Variants in ARID5B observed in about 807,000 individuals in gnomAD.
The protein encoded by ARID5B is AT-rich interaction domain 5B, also known as AT-rich interactive domain-containing protein 5B.
A neutral mutation model predicts 97.2 loss-of-function variants in ARID5B; 13 were observed. The observed-to-expected ratio is 0.13, with a 90% CI of 0.09 to 0.21. The LOEUF (loss-of-function observed/expected upper bound fraction) is 0.21, where lower values mean the gene tolerates loss of function less well. Ranked by LOEUF, ARID5B falls within the 10% of genes least tolerant of loss-of-function variation. The pLI is 1.00. For synonymous variants in ARID5B, 556 were observed against 570.3 expected, an observed-to-expected ratio of 0.97 and a Z score of 0.36; for missense variants, 1,210 against 1,465.3, an observed-to-expected ratio of 0.83 and a Z score of 2.84.
chr10:61,959,140 A>C lies in ARID5B; in HGVS notation c.502+18732A>C, dbSNP rs1436861626. ...TAGGGGAAAACATTAGCAATTTTAG[A>C]TTGCAAATGATAGAACCTTTCCATG... On this transcript the variant is annotated intron_variant, in intron 3 of 9. Transcript: ENST00000279873. Among the ~76,000 whole-genome samples the C allele has an allele frequency of 2.0e-5, 3 of 152,234 alleles. No individual in the cohort carries two copies. The East Asian group carries it at 5.8e-4, about 29-fold the overall frequency.
chr10:61,903,998 G>A (rs1298618519), intron 2 of ARID5B, among the ~76,000 whole-genome samples: 3 of 150,998 alleles, frequency 2.0e-5, no homozygotes, highest in Non-Finnish European at 4.4e-5. Flanking sequence ...GAAAAATCCT[G>A]CAACCTACCA....
intron 4 of ARID5B, among the ~76,000 whole-genome samples, chr10:62,036,698 C>A (rs1425843223): frequency 1.3e-5 from 2 of 152,192 alleles, no homozygotes; most frequent in African/African-American, 4.8e-5. Flanking sequence ...GCTCACCCTG[C>A]AGAGACCCAA....
At chr10:61,917,501 G>A (rs1327896491) in intron 2 of ARID5B, among the ~76,000 whole-genome samples, 2 of 152,042 alleles carry the variant, frequency 1.3e-5, no homozygotes, top group African/African-American at 2.4e-5. Flanking sequence ...GCTAATTTTT[G>A]TATTGTTAGT....
chr10:61,976,931 A>G (rs1180749435), intron 3 of ARID5B, among the ~76,000 whole-genome samples: 1 of 151,490 alleles, frequency 6.6e-6, no homozygotes, highest in South Asian at 2.1e-4. Context: ...ACATATGTAT[A>G]CATGTGCCAT....
At position 62,035,206 on chromosome 10, in the gene ARID5B, C is replaced by T. The variant is rs1338242574; in HGVS notation, c.734-15682C>T. Reference sequence around the variant, plus strand: ...CATCAAGGATAGCCTAGCCACCTGGCCCTCTTTAGCGGCATTTATGTTCTC... The same window carrying T: ...CATCAAGGATAGCCTAGCCACCTGGTCCTCTTTAGCGGCATTTATGTTCTC... On this transcript the variant is annotated intron_variant, in intron 4 of 9. Transcript: ENST00000279873. Among the ~76,000 whole-genome samples the T allele has an allele frequency of 2.6e-5, 4 of 152,308 alleles. No individual in the cohort carries two copies. In the East Asian group the frequency reaches 7.7e-4, roughly 29 times the overall value.
intron 4 of ARID5B, among the ~76,000 whole-genome samples, chr10:62,003,530 T>C (rs1839109025): frequency 6.6e-6 from 1 of 152,244 alleles, no homozygotes; most frequent in East Asian, 1.9e-4. Flanking sequence ...AATGGCTGCC[T>C]TCACCCTGGA....
Position 62,096,832 on chromosome 10 carries a change from G to A in ARID5B, c.*3802G>A, listed in dbSNP as rs1239655226. 2 of 233,350 alleles carry A rather than the reference G, an allele frequency of 8.6e-6. No homozygotes were observed. Among genetic ancestry groups the A allele is most frequent in the African/African-American group, 2.2e-5 (1 of 45,306 alleles). The allele number at this position is 233,350 out of a possible 1,614,324, so 14.5% of individuals were successfully genotyped here. On this transcript the variant is annotated 3_prime_UTR_variant, in exon 10 of 10. Transcript: ENST00000279873. ...TGTTTTCCAAATTGTACTTATTACT[G>A]CTTTTGATACTGTATTACGTGCCAA...
At chr10:62,001,615 GA>G (rs1382208265) in intron 4 of ARID5B, among the ~76,000 whole-genome samples, 1 of 152,132 alleles carries the variant, frequency 6.6e-6, no homozygotes, top group Non-Finnish European at 1.5e-5. Flanking sequence ...GTAGCTATGT[GA>G]ACAGAGTTGG....
intron 9 of ARID5B, among the ~76,000 whole-genome samples, chr10:62,089,528 CTTTT>C (rs34423923): frequency 9.8e-6 from 1 of 101,546 alleles, no homozygotes. Flanking sequence ...CCTTCTTTTT[CTTTT>C]TTTTTTTTTT....
At chr10:61,960,624 T>C (rs1838457793) in intron 3 of ARID5B, among the ~76,000 whole-genome samples, 1 of 150,998 alleles carries the variant, frequency 6.6e-6, no homozygotes, top group Admixed American at 6.6e-5. Flanking sequence ...TCCTTGAGCA[T>C]GAGTTGAAGC....
intron 2 of ARID5B, among the ~76,000 whole-genome samples, chr10:61,923,418 C>T (rs1481705684): frequency 3.3e-5 from 5 of 152,204 alleles, no homozygotes; most frequent in African/African-American, 1.2e-4. Flanking sequence ...CTACCCAGTC[C>T]ACACATACAT....
intron 4 of ARID5B, among the ~76,000 whole-genome samples, chr10:62,014,029 A>G (rs1037446016): frequency 3.9e-5 from 6 of 152,056 alleles, no homozygotes; most frequent in Non-Finnish European, 7.4e-5. Flanking sequence ...GTTGACTCAT[A>G]GTCTTGGCTA....
chr10:62,071,875 A>G (rs1840070032), intron 8 of ARID5B, among the ~76,000 whole-genome samples: 1 of 152,192 alleles, frequency 6.6e-6, no homozygotes, highest in Admixed American at 6.5e-5. Flanking sequence ...CTTTTTGAAG[A>G]GTGGTGTCAC....
intron 3 of ARID5B, among the ~76,000 whole-genome samples, chr10:61,970,972 A>AGTGTGTGTGTGTGT (rs55961997): frequency 2.7e-5 from 4 of 150,194 alleles, no homozygotes; most frequent in African/African-American, 7.3e-5. Flanking sequence ...TTGCTTTTAA[A>AGTGTGTGTGTGTGT]GTGTGTGTGT....
At chr10:62,010,476 C>T (rs182251388) in intron 4 of ARID5B, among the ~76,000 whole-genome samples, 76 of 152,268 alleles carry the variant, frequency 5.0e-4, no homozygotes, top group African/African-American at 1.5e-3. Context: ...CTGCTAGATC[C>T]GAGAGGGCTT....
chr10:61,937,729 C>T (rs1447151251), intron 2 of ARID5B, among the ~76,000 whole-genome samples: 1 of 152,004 alleles, frequency 6.6e-6, no homozygotes, highest in Non-Finnish European at 1.5e-5. Context: ...AGAGACTTGC[C>T]CAAGAATGGT....
intron 4 of ARID5B, among the ~76,000 whole-genome samples, chr10:62,037,190 A>T (rs1452644707): frequency 1.3e-5 from 2 of 152,230 alleles, no homozygotes; most frequent in Non-Finnish European, 1.5e-5. Context: ...AAGTATTAGC[A>T]ATGTTGCAAG....
Position 62,091,889 on chromosome 10 carries a change from G to A in ARID5B, c.2426G>A (p.Gly809Asp), listed in dbSNP as rs768175965. 9 of 1,614,036 alleles carry A rather than the reference G, an allele frequency of 5.6e-6. No homozygotes were observed. The highest frequency in any genetic ancestry group is 2.2e-5 in the East Asian group (1 of 44,874). ...SYVLKQEIQE[G>D]KDKLLEKRAL... The stretch of plus-strand genomic sequence containing the variant: ...GTCCTGAAGCAAGAAATTCAGGAGG[G>A]CAAGGATAAACTCTTAGAGAAAAGG... Residue 809 changes from glycine (G) to aspartate (D), a missense_variant, in exon 10 of 10, where the codon GGC becomes GAC. By Grantham distance (94) the Gly-to-Asp change is moderately conservative. Coordinates refer to ENST00000279873, the MANE Select transcript of ARID5B (RefSeq NM_032199.3).
chr10:61,953,791 G>T (rs947865383), intron 3 of ARID5B, among the ~76,000 whole-genome samples: 92 of 152,212 alleles, frequency 6.0e-4, no homozygotes, highest in African/African-American at 2.0e-3. Flanking sequence ...CATCTATAGG[G>T]GTACCCAACA....
Sources: allele counts gnomAD v4.1 joint callset (sites outside exome capture counted in the v4.1 genomes callset), GRCh38; gene constraint gnomAD v4.1.1; transcripts MANE v1.5; gene names NCBI Gene and HGNC (gene_info 2026-07-23, HGNC 2026-07-21).